Variants in SPATA13 observed in about 807,000 individuals in gnomAD.
SPATA13 encodes spermatogenesis-associated protein 13.
Under a neutral mutation model 104.0 loss-of-function variants are expected in SPATA13, and 50 were observed. The ratio of observed to expected loss-of-function variants is 0.48; its 90% CI spans 0.38 to 0.61. The LOEUF is 0.61. SPATA13 is among the 20% of genes least tolerant of loss of function. The probability of loss-of-function intolerance (pLI) is 0.00; values close to 1 mark genes in which losing one functional copy is unlikely to be tolerated. For synonymous variants in SPATA13, 606 were observed against 667.5 expected, an observed-to-expected ratio of 0.91 and a Z score of 1.42; for missense variants, 1,524 against 1,690.6, an observed-to-expected ratio of 0.90 and a Z score of 1.73.
chr13:24,294,778 G>A lies in SPATA13; in HGVS notation c.3120G>A (p.Lys1040=). ...TAAAGGCAGCATATGAGGCCATGAA[G>A]AATGTGGCCTGTCTGATCAACGAGC... The part of the protein sequence containing the change: ...SNIKAAYEAM[K]NVACLINERK... Residue 1040 remains lysine, a synonymous_variant, in exon 10 of 13, where the codon AAG becomes AAA. Transcript: ENST00000382108. 6.2e-7 allele frequency: 1 copy of A among 1,609,274 alleles called. No individual in the cohort carries two copies. Among genetic ancestry groups the A allele is most frequent in the Non-Finnish European group, 8.5e-7 (1 of 1,175,832 alleles).
chr13:24,004,161 C>T (rs1270118279), intron 2 of SPATA13, among the ~76,000 whole-genome samples: 1 of 152,118 alleles, frequency 6.6e-6, no homozygotes, highest in African/African-American at 2.4e-5. Flanking sequence ...TTTAAAAAAT[C>T]TCCAAAGCAT....
Position 24,302,806 on chromosome 13 carries a change from G to A in SPATA13, c.*33G>A, listed in dbSNP as rs1287798908. The A allele has an allele frequency of 1.2e-6, 2 of 1,613,472 alleles. No individual in the cohort carries two copies. Among genetic ancestry groups the A allele is most frequent in the African/African-American group, 1.3e-5 (1 of 74,930 alleles). Reference sequence around the variant, plus strand: ...AGGCTGTGCTTCCATGGAGCTGGGTGTCAAGAGAAGAACTGTCTTTGTTTC... The same window carrying A: ...AGGCTGTGCTTCCATGGAGCTGGGTATCAAGAGAAGAACTGTCTTTGTTTC... On this transcript the variant is annotated 3_prime_UTR_variant, in exon 13 of 13. Transcript: ENST00000382108.
intron 4 of SPATA13, among the ~76,000 whole-genome samples, chr13:24,267,897 C>A (rs1035698830): frequency 6.6e-6 from 1 of 152,256 alleles, no homozygotes; most frequent in Non-Finnish European, 1.5e-5. Flanking sequence ...TAGAACAACA[C>A]TTCTGAAACC....
chr13:24,185,932 G>A (rs542483653), intron 1 of SPATA13, among the ~76,000 whole-genome samples: 1 of 152,038 alleles, frequency 6.6e-6, no homozygotes, highest in Non-Finnish European at 1.5e-5. Context: ...TGATGTTTTA[G>A]GCTTGAATCT....
intron 1 of SPATA13, among the ~76,000 whole-genome samples, chr13:24,174,956 GATTT>G: frequency 6.6e-6 from 1 of 152,204 alleles, no homozygotes; most frequent in Non-Finnish European, 1.5e-5. Flanking sequence ...GATGTTTGGA[GATTT>G]TTTTGTTAAC....
chr13:24,260,755 T>A (rs369275269), intron 4 of SPATA13, among the ~76,000 whole-genome samples: 8 of 152,298 alleles, frequency 5.3e-5, no homozygotes, highest in African/African-American at 1.9e-4. Flanking sequence ...GTTTTATTGC[T>A]CAACGTTAAA....
Position 24,305,020 on chromosome 13 carries a change from C to T in SPATA13, c.*2247C>T, listed in dbSNP as rs1036906389. On this transcript the variant is annotated 3_prime_UTR_variant, in exon 13 of 13. Transcript: ENST00000382108. Reference sequence around the variant, plus strand: ...TCTCTGCTAGAGTTGTTTGTATGTACAGCAATTTTGAACAAATTGTTTTAA... The same window carrying T: ...TCTCTGCTAGAGTTGTTTGTATGTATAGCAATTTTGAACAAATTGTTTTAA... 1 of 152,200 alleles carries T rather than the reference C, an allele frequency of 6.6e-6. No homozygotes were observed. The highest frequency in any genetic ancestry group is 2.4e-5 in the African/African-American group (1 of 41,444). The allele number at this position is 152,200 out of a possible 1,614,324, so 9.4% of individuals were successfully genotyped here.
intron 3 of SPATA13, among the ~76,000 whole-genome samples, chr13:24,101,210 C>T (rs6650255): frequency 6.6e-6 from 1 of 152,184 alleles, no homozygotes; most frequent in Non-Finnish European, 1.5e-5. Context: ...ATCCTCTCTT[C>T]TCTTTCTCGC....
At chr13:24,290,024 C>T (rs550983936) in intron 8 of SPATA13, among the ~76,000 whole-genome samples, 4 of 152,274 alleles carry the variant, frequency 2.6e-5, no homozygotes, top group African/African-American at 9.6e-5. Flanking sequence ...GGGACATTGT[C>T]ACAGGCCTCC....
chr13:24,121,299 C>T (rs182823470), intron 3 of SPATA13, among the ~76,000 whole-genome samples: 268 of 152,180 alleles, frequency 1.8e-3, no homozygotes, highest in African/African-American at 5.2e-3. Context: ...CAGAGGTGAG[C>T]GCACCACAAA....
chr13:24,299,318 C>G (rs1244655539), intron 11 of SPATA13, among the ~76,000 whole-genome samples: 1 of 152,226 alleles, frequency 6.6e-6, no homozygotes, highest in Non-Finnish European at 1.5e-5. Context: ...GTGGCCAGTG[C>G]TCAGAGATGC....
rs17080436 is a variant in SPATA13 at position 24,218,073 on chromosome 13, G to C, written c.-111-4746G>C. ...ATAGCTCAGCCCTGCTGGAGGGAAA[G>C]GCGTCCTGTATTAGGCACAGGACAT... is the stretch of plus-strand genomic sequence containing the variant. On this transcript the variant is annotated intron_variant, in intron 1 of 12. Coordinates refer to ENST00000382108, the MANE Select transcript of SPATA13 (RefSeq NM_001166271.3). 7.3e-3 allele frequency among the ~76,000 whole-genome samples: 1,119 copies of C among 152,362 alleles called. 14 individuals are homozygous for C. The highest frequency in any genetic ancestry group is 0.024 in the African/African-American group (1,016 of 41,584).
At chr13:24,049,123 C>T (rs1190810879) in intron 3 of SPATA13, among the ~76,000 whole-genome samples, 5 of 152,192 alleles carry the variant, frequency 3.3e-5, no homozygotes, top group Non-Finnish European at 4.4e-5. Context: ...GAGCCTAGAA[C>T]AAGTGTATTG....
At position 24,298,790 on chromosome 13, in the gene SPATA13, A is replaced by G. The variant is rs572945592; in HGVS notation, c.3583+1055A>G. 2.6e-5 allele frequency among the ~76,000 whole-genome samples: 4 copies of G among 152,300 alleles called. No individual in the cohort carries two copies. In the South Asian group the frequency reaches 8.3e-4, roughly 32 times the overall value. On this transcript the variant is annotated intron_variant, in intron 11 of 12. Transcript: ENST00000382108. ...TTGGCTACAGAATTTGGTCTCACCC[A>G]CAGGAGGTTTTGTGAGATTCTGCAG...
intron 3 of SPATA13, among the ~76,000 whole-genome samples, chr13:24,018,792 CA>C (rs1876830598): frequency 6.6e-6 from 1 of 152,174 alleles, no homozygotes; most frequent in Admixed American, 6.5e-5. Context: ...AGAAGAATTA[CA>C]TTACAGCATT....
intron 3 of SPATA13, among the ~76,000 whole-genome samples, chr13:24,093,613 A>T (rs71429873): frequency 6.6e-6 from 1 of 152,180 alleles, no homozygotes; most frequent in Non-Finnish European, 1.5e-5. Flanking sequence ...AAATGGACCA[A>T]TTGTGGGGAG....
chr13:24,130,539 C>T (rs1270805786), intron 3 of SPATA13, among the ~76,000 whole-genome samples: 1 of 152,188 alleles, frequency 6.6e-6, no homozygotes, highest in Non-Finnish European at 1.5e-5. Flanking sequence ...TACCTTTCAA[C>T]TCATTGTTTA....
chr13:24,213,028 A>G (rs1180516706), intron 1 of SPATA13, among the ~76,000 whole-genome samples: 1 of 152,256 alleles, frequency 6.6e-6, no homozygotes, highest in African/African-American at 2.4e-5. Flanking sequence ...AGTTACAGTG[A>G]TGACACCTGT....
intron 1 of SPATA13, among the ~76,000 whole-genome samples, chr13:24,184,853 G>T (rs1869044796): frequency 6.6e-6 from 1 of 152,104 alleles, no homozygotes; most frequent in Non-Finnish European, 1.5e-5. Context: ...TTGATGAAAG[G>T]CAGTGTAAAA....
Sources: gnomAD v4.1 joint callset for allele counts (sites outside exome capture counted in the v4.1 genomes callset) on GRCh38, gnomAD v4.1.1 for gene constraint, MANE v1.5 for transcripts, NCBI Gene and HGNC (gene_info 2026-07-23, HGNC 2026-07-21) for gene names.